Variants in CES4A observed in about 807,000 individuals in gnomAD.
CES4A encodes carboxylesterase 6.
In CES4A, 48 loss-of-function variants were observed where a neutral mutation model predicts 65.4. The ratio of observed to expected loss-of-function variants is 0.73; its 90% CI spans 0.58 to 0.93. The LOEUF is 0.93. Ranked by LOEUF, CES4A falls within the 40% of genes least tolerant of loss-of-function variation. The probability of loss-of-function intolerance (pLI) is 0.00; values close to 1 mark genes in which losing one functional copy is unlikely to be tolerated. For missense variants in CES4A, 685 were observed against 728.5 expected (o/e 0.94, Z 0.69); for synonymous variants, 247 against 281.8 (o/e 0.88, Z 1.24).
chr16:67,000,890 G>T lies in CES4A; in HGVS notation c.436G>T (p.Val146Leu). The T allele has an allele frequency of 6.2e-7, 1 of 1,609,832 alleles. No homozygotes were observed. Among genetic ancestry groups the T allele is most frequent in the East Asian group, 2.2e-5 (1 of 44,694 alleles). ...CTGGTTCCCGGGAGGCGCCTTCATC[G>T]TGGGCGCTGCTTCTTCGTACGAGGG... The change falls in exon 4 of 14, where the codon GTG becomes TTG. Residue 146 changes from valine (V) to leucine (L), a missense_variant. By Grantham distance (32) the Val-to-Leu change is conservative (BLOSUM62 1). Transcript: ENST00000648724. This position sits in a 1 kb window ranked among gnomAD's most constrained non-coding sequence, Gnocchi z 4.2.
At chr16:66,990,029 ATTTTCTTTTCATC>A (rs1254614177) in intron 1 of CES4A, among the ~76,000 whole-genome samples, 1 of 132,550 alleles carries the variant, frequency 7.5e-6, no homozygotes, top group African/African-American at 2.8e-5. Context: ...ATTTTGGCGC[ATTTTCTTTTCATC>A]TTTTCTTTTT....
At chr16:67,004,317 C>T (rs1359530594) in intron 9 of CES4A, 93 bp downstream of exon 9, 1 of 1,427,376 alleles carries the variant, frequency 7.0e-7, no homozygotes, top group Non-Finnish European at 9.7e-7. Flanking sequence ...GTGCTGGGCA[C>T]CAGGTCAGAT....
At chr16:66,990,007 T>C (rs1034004485) in intron 1 of CES4A, among the ~76,000 whole-genome samples, 1 of 151,566 alleles carries the variant, frequency 6.6e-6, no homozygotes, top group South Asian at 2.1e-4. Context: ...CTTTGCTTAC[T>C]CCGCTTTTAA....
chr16:66,998,752 T>A (rs1329453215), intron 2 of CES4A, among the ~76,000 whole-genome samples: 2 of 151,968 alleles, frequency 1.3e-5, no homozygotes, highest in Non-Finnish European at 2.9e-5. Flanking sequence ...CTCAGGAGGC[T>A]GAGGCAGTGA....
At position 67,001,339 on chromosome 16, in the gene CES4A, G is replaced by A. The variant is rs995158320; in HGVS notation, c.568G>A (p.Gly190Arg). ...CGACAGCCACGCGCGCGGGAACTGGGGGCTGCTGGACCAGATGGCGGCTCT... is the reference window on the plus strand; with the variant it reads ...CGACAGCCACGCGCGCGGGAACTGGAGGCTGCTGGACCAGATGGCGGCTCT... Residue 190 changes from glycine to arginine, a missense_variant, in exon 5 of 14, where the codon GGG becomes AGG. Coordinates refer to ENST00000648724, the Ensembl canonical transcript of CES4A. The surrounding 1 kb of genome is among the most constrained non-coding windows in gnomAD (Gnocchi z 4.1). 8 of 1,612,530 alleles carry A rather than the reference G, an allele frequency of 5.0e-6. No homozygotes were observed. The highest frequency in any genetic ancestry group is 6.8e-6 in the Non-Finnish European group (8 of 1,179,392).
chr16:67,004,299 C>T, intron 9 of CES4A, 75 bp downstream of exon 9: 1 of 1,548,596 alleles, frequency 6.5e-7, no homozygotes, highest in African/African-American at 1.4e-5. Flanking sequence ...AAGGATGCCT[C>T]TTGGACGGTG....
Position 67,001,525 on chromosome 16 carries a change from C to A in CES4A, c.690+64C>A. 1.3e-6 allele frequency: 2 copies of A among 1,508,348 alleles called. No homozygotes were observed. Among genetic ancestry groups the A allele is most frequent in the Non-Finnish European group, 8.9e-7 (1 of 1,119,536 alleles). 93.4% of individuals were successfully genotyped at this position (1,508,348 alleles called of 1,614,324 possible). A position where few individuals can be genotyped will look rare whatever the true frequency, so the allele number is the denominator to read the frequency against. On this transcript the variant is annotated intron_variant, in intron 5 of 13. Coordinates refer to ENST00000648724, the Ensembl canonical transcript of CES4A. The surrounding 1 kb of genome is among the most constrained non-coding windows in gnomAD (Gnocchi z 4.1). ...GCTCCTGCGTTCCCACAAATGTATG[C>A]TCCACTGCACAGGCCATGTGCAGAT... is the stretch of plus-strand genomic sequence containing the variant.
Position 67,001,473 on chromosome 16 carries a change from GC to G in CES4A, c.690+15del, listed in dbSNP as rs762479497. 1 of 1,589,238 alleles carries G rather than the reference GC, an allele frequency of 6.3e-7. No homozygotes were observed. ...GCATCTCAGGACTGGTGAGAGCAAT[GC>G]CCAGACGGACCGAGCACAGACTTAG... On this transcript the variant is annotated intron_variant, in intron 5 of 13. Transcript: ENST00000648724. The surrounding 1 kb of genome is among the most constrained non-coding windows in gnomAD (Gnocchi z 4.1).
At chr16:67,004,104 T>C in exon 9 of CES4A, 1 of 1,614,118 alleles carries the variant, frequency 6.2e-7, no homozygotes, top group Non-Finnish European at 8.5e-7. Context: ...CCATGAGCCC[T>C]GTGGTGGATG....
intron 1 of CES4A, among the ~76,000 whole-genome samples, chr16:66,993,898 A>G (rs533236413): frequency 0.023 from 3,473 of 151,742 alleles, 60 homozygotes; most frequent in Non-Finnish European, 0.033. Flanking sequence ...TCAGGAGATC[A>G]AGACCATTCT....
At chr16:67,009,433 C>T in exon 14 of CES4A, 3 of 295,242 alleles carry the variant, frequency 1.0e-5, no homozygotes, top group Non-Finnish European at 1.9e-5. Context: ...CTCAGGACAA[C>T]CTCTTTTTTT....
At chr16:66,990,064 T>A (rs1964260090) in intron 1 of CES4A, among the ~76,000 whole-genome samples, 1 of 147,124 alleles carries the variant, frequency 6.8e-6, no homozygotes, top group African/African-American at 2.5e-5. Context: ...TTTTTTTTTT[T>A]TTTTGAGACG....
chr16:66,997,944 C>T (rs540963035), intron 2 of CES4A, among the ~76,000 whole-genome samples: 1 of 129,316 alleles, frequency 7.7e-6, no homozygotes, highest in South Asian at 2.6e-4. Context: ...GAGACCCTAT[C>T]TAAAACACAC....
At chr16:66,995,069 T>C (rs1350012547) in intron 1 of CES4A, among the ~76,000 whole-genome samples, 1 of 150,880 alleles carries the variant, frequency 6.6e-6, no homozygotes, top group Non-Finnish European at 1.5e-5. Flanking sequence ...CCCAGCACTT[T>C]GGGAGGCCAA....
Position 67,000,560 on chromosome 16 carries a change from T to A in CES4A, c.261-78T>A, listed in dbSNP as rs1391654755. 1 of 1,488,876 alleles carries A rather than the reference T, an allele frequency of 6.7e-7. No homozygotes were observed. Among genetic ancestry groups the A allele is most frequent in the Non-Finnish European group, 9.0e-7 (1 of 1,113,768 alleles). The allele number at this position is 1,488,876 out of a possible 1,614,324, so 92.2% of individuals were successfully genotyped here. Reference sequence around the variant, plus strand: ...GCACAGACGCTGCCTGGATTTTGCTTTGGGTTCCGTCTTCTCACTGCGGAC... The same window carrying A: ...GCACAGACGCTGCCTGGATTTTGCTATGGGTTCCGTCTTCTCACTGCGGAC... On this transcript the variant is annotated intron_variant, in intron 2 of 13. Transcript: ENST00000648724. The surrounding 1 kb of genome is among the most constrained non-coding windows in gnomAD (Gnocchi z 4.2).
chr16:66,995,783 C>G, exon 2 of CES4A: 1 of 1,614,196 alleles, frequency 6.2e-7, no homozygotes. Flanking sequence ...TCCAGAACCC[C>G]CGGAGCCCTG....
chr16:67,003,509 C>G lies in CES4A; in HGVS notation c.901-6C>G, dbSNP rs773739839. On this transcript the variant is annotated splice_polypyrimidine_tract_variant and splice_region_variant and intron_variant, in intron 7 of 13. Coordinates refer to ENST00000648724, the Ensembl canonical transcript of CES4A. The surrounding 1 kb of genome is among the most constrained non-coding windows in gnomAD (Gnocchi z 4.2). ...TTTAACTCTGATCCCTTCCTCTCCCCCATAGAGATTCCTCCAACTGAACTT... is the reference window on the plus strand; with the variant it reads ...TTTAACTCTGATCCCTTCCTCTCCCGCATAGAGATTCCTCCAACTGAACTT... 1.9e-6 allele frequency: 3 copies of G among 1,613,080 alleles called. No individual in the cohort carries two copies. The highest frequency in any genetic ancestry group is 2.2e-5 in the East Asian group (1 of 44,886).
At chr16:67,005,118 C>A in intron 10 of CES4A, 122 bp from the exon 11 acceptor site, 1 of 1,007,752 alleles carries the variant, frequency 9.9e-7, no homozygotes, top group African/African-American at 1.6e-5. Flanking sequence ...CAGGAAGCTC[C>A]CTTTCTCCCC....
chr16:66,993,982 T>A (rs144517729), intron 1 of CES4A, among the ~76,000 whole-genome samples: 3,186 of 151,254 alleles, frequency 0.021, 82 homozygotes, highest in South Asian at 0.073. Flanking sequence ...GTGCCTGTAG[T>A]CCCAGCTACT....
Sources: allele counts gnomAD v4.1 joint callset (sites outside exome capture counted in the v4.1 genomes callset), GRCh38; gene constraint gnomAD v4.1.1; non-coding constraint Gnocchi (gnomAD v3.1); transcripts MANE v1.5; gene names NCBI Gene and HGNC (gene_info 2026-07-23, HGNC 2026-07-21).